CCDC171: variants seen among roughly 807,000 people sequenced by gnomAD.
The protein encoded by CCDC171 is coiled-coil domain-containing protein 171.
CCDC171 carries 177 observed loss-of-function variants against 168.2 expected under a neutral mutation model. The observed-to-expected ratio is 1.05, with a 90% CI of 0.93 to 1.19. The LOEUF (loss-of-function observed/expected upper bound fraction) is 1.19. Ranked by LOEUF, CCDC171 falls within the 50% of genes most tolerant of loss-of-function variation. CCDC171 has a pLI of 0.00. For synonymous variants in CCDC171, 687 were observed against 540.8 expected (o/e 1.27, Z -3.75); for missense variants, 1,991 against 1,539.0 (o/e 1.29, Z -4.91).
intron 7 of CCDC171, among the ~76,000 whole-genome samples, chr9:15,637,734 C>T (rs1213296943): frequency 6.6e-6 from 1 of 150,996 alleles, no homozygotes; most frequent in Non-Finnish European, 1.5e-5. Flanking sequence ...GTTTTCTGTC[C>T]TTGCGATAGT....
chr9:16,077,459 G>A, the CCDC171 span, among the ~76,000 whole-genome samples: 1 of 152,150 alleles, frequency 6.6e-6, no homozygotes, highest in Admixed American at 6.5e-5. Context: ...CTTTAGGCTT[G>A]GCCAAGCGAA....
the CCDC171 span, among the ~76,000 whole-genome samples, chr9:16,104,562 G>A: frequency 6.6e-6 from 1 of 152,016 alleles, no homozygotes; most frequent in African/African-American, 2.4e-5. Context: ...GAGATTTCAG[G>A]GAGGCAGGAT....
Position 15,618,608 on chromosome 9 carries a change from G to T in CCDC171, c.676-4659G>T, listed in dbSNP as rs557207528. 2.0e-5 allele frequency among the ~76,000 whole-genome samples: 3 copies of T among 152,228 alleles called. No homozygotes were observed. The East Asian group carries it at 5.8e-4, about 29-fold the overall frequency. Reference sequence around the variant, plus strand: ...CAGCTTGGTGTCTGCCCAAACAGCCGCCCAGTTTTGTGCTTGAAACACAGG... The same window carrying T: ...CAGCTTGGTGTCTGCCCAAACAGCCTCCCAGTTTTGTGCTTGAAACACAGG... On this transcript the variant is annotated intron_variant, in intron 6 of 25. Transcript: ENST00000380701.
At position 15,902,456 on chromosome 9, in the gene CCDC171, TTTGA is replaced by T. The variant is rs576473426; in HGVS notation, c.3601-17808_3601-17805del. ...GGCAAAATTTAAATTACAACTTTTG[TTTGA>T]TTGATAGGTAGTATTGAAACATGAA... On this transcript the variant is annotated intron_variant, in intron 24 of 25. Coordinates refer to ENST00000380701, the MANE Select transcript of CCDC171 (RefSeq NM_173550.4). Among the ~76,000 whole-genome samples the T allele has an allele frequency of 4.8e-3, 726 of 152,250 alleles. 3 individuals carry two copies. Among genetic ancestry groups the T allele is most frequent in the Non-Finnish European group, 7.1e-3 (484 of 68,022 alleles).
At chr9:15,860,320 GTTC>G (rs1326082077) in intron 23 of CCDC171, among the ~76,000 whole-genome samples, 6 of 150,326 alleles carry the variant, frequency 4.0e-5, no homozygotes, top group African/African-American at 4.9e-5. Context: ...GGTTTAGTTT[GTTC>G]TTCTTCTCGT....
intron 2 of CCDC171, 80 bp downstream of exon 2, chr9:15,564,209 A>G: frequency 9.9e-7 from 1 of 1,015,180 alleles, no homozygotes; most frequent in Non-Finnish European, 1.5e-6. Flanking sequence ...TTGTAGAGCT[A>G]ACTGTAAGAA....
intron 25 of CCDC171, among the ~76,000 whole-genome samples, chr9:15,939,817 T>C (rs961120251): frequency 6.6e-6 from 1 of 151,914 alleles, no homozygotes; most frequent in African/African-American, 2.4e-5. Flanking sequence ...AAATAAGTAG[T>C]TATTTGAGAC....
chr9:15,984,715 G>A (rs1230653879), intron 3 of CCDC171, among the ~76,000 whole-genome samples: 2 of 152,058 alleles, frequency 1.3e-5, no homozygotes, highest in African/African-American at 4.8e-5. Flanking sequence ...AAGTTCTCAT[G>A]ATTTGATATT....
At chr9:15,775,698 T>C (rs1219282833) in intron 18 of CCDC171, among the ~76,000 whole-genome samples, 1 of 152,210 alleles carries the variant, frequency 6.6e-6, no homozygotes, top group African/African-American at 2.4e-5. Context: ...ATCCTGAAAT[T>C]TCCTAAAATA....
intron 19 of CCDC171, 116 bp downstream of exon 19, chr9:15,777,942 T>C (rs2057420818): frequency 3.0e-6 from 2 of 666,634 alleles, no homozygotes; most frequent in Admixed American, 3.6e-5. Context: ...ATTTTCTTTA[T>C]AGTTCATGTA....
intron 21 of CCDC171, among the ~76,000 whole-genome samples, chr9:15,812,580 T>C (rs1341399240): frequency 6.6e-6 from 1 of 152,074 alleles, no homozygotes; most frequent in African/African-American, 2.4e-5. Flanking sequence ...CTGTCCTCAA[T>C]GTTCATTTCA....
intron 24 of CCDC171, among the ~76,000 whole-genome samples, chr9:15,879,795 C>T (rs181128630): frequency 7.9e-5 from 12 of 152,192 alleles, no homozygotes; most frequent in Admixed American, 6.5e-4. Flanking sequence ...CTCTTGCATA[C>T]ATTTTTTCAT....
intron 7 of CCDC171, 64 bp downstream of exon 7, chr9:15,623,477 A>ACGCGCG (rs1312830159): frequency 1.9e-5 from 6 of 323,556 alleles, no homozygotes; most frequent in Non-Finnish European, 3.0e-5. Context: ...GCGCGCGCGC[A>ACGCGCG]CACACACACA....
intron 3 of CCDC171, among the ~76,000 whole-genome samples, chr9:15,985,614 T>C (rs1831961012): frequency 6.6e-6 from 1 of 152,202 alleles, no homozygotes; most frequent in South Asian, 2.1e-4. Context: ...GAATGGCAGA[T>C]TCTTCAACTT....
intron 24 of CCDC171, among the ~76,000 whole-genome samples, chr9:15,906,610 C>T (rs1211786279): frequency 1.3e-5 from 2 of 152,116 alleles, no homozygotes; most frequent in Non-Finnish European, 2.9e-5. Context: ...TGAAAACTGG[C>T]CCAAGACAGG....
At chr9:16,038,710 C>T (rs117854580), upstream of CCDC171, among the ~76,000 whole-genome samples, 8 of 151,454 alleles carry the variant, frequency 5.3e-5, no homozygotes, top group Non-Finnish European at 1.0e-4. Flanking sequence ...CAGAAATAAA[C>T]CCTAAAAAAT....
chr9:16,088,484 C>T, the CCDC171 span, among the ~76,000 whole-genome samples: 1 of 152,092 alleles, frequency 6.6e-6, no homozygotes, highest in African/African-American at 2.4e-5. Flanking sequence ...TTGTCTCAGC[C>T]CAAAATCTCC....
chr9:15,662,693 C>T (rs181739194), intron 8 of CCDC171, among the ~76,000 whole-genome samples: 1 of 151,928 alleles, frequency 6.6e-6, no homozygotes, highest in Non-Finnish European at 1.5e-5. Context: ...TAAACATTGC[C>T]AGTTGGACAC....
intron 11 of CCDC171, among the ~76,000 whole-genome samples, chr9:15,697,265 T>C (rs1377463033): frequency 2.6e-5 from 4 of 152,228 alleles, no homozygotes; most frequent in African/African-American, 9.6e-5. Flanking sequence ...GCTGTGGCTC[T>C]TGTTAGACTA....
Sources: gnomAD v4.1 joint callset for allele counts (sites outside exome capture counted in the v4.1 genomes callset) on GRCh38, gnomAD v4.1.1 for gene constraint, MANE v1.5 for transcripts, NCBI Gene and HGNC (gene_info 2026-07-23, HGNC 2026-07-21) for gene names.